Variants in RPTOR observed in about 807,000 individuals in gnomAD.
RPTOR encodes regulatory associated protein of MTOR complex 1, also known as regulatory-associated protein of mTOR.
RPTOR carries 21 observed loss-of-function variants against 169.9 expected under a neutral mutation model. That is an observed-to-expected ratio of 0.12 (90% CI 0.09 to 0.18). The LOEUF is 0.18. RPTOR is among the 10% of genes least tolerant of loss of function. The pLI is 1.00. For missense variants in RPTOR, 1,133 were observed against 1,855.9 expected (o/e 0.61, Z 7.16); for synonymous variants, 732 against 753.2 (o/e 0.97, Z 0.46).
chr17:80,652,845 G>A (rs1206459728), intron 3 of RPTOR, among the ~76,000 whole-genome samples: 1 of 152,188 alleles, frequency 6.6e-6, no homozygotes, highest in Non-Finnish European at 1.5e-5. Flanking sequence ...ATTTGTCCAT[G>A]TCTACTAGCA....
At chr17:80,917,667 C>T (rs190675645) in intron 21 of RPTOR, among the ~76,000 whole-genome samples, 6 of 152,360 alleles carry the variant, frequency 3.9e-5, no homozygotes, top group Admixed American at 3.3e-4. Flanking sequence ...CTCAGCCGAT[C>T]TGCATATAGA....
intron 7 of RPTOR, among the ~76,000 whole-genome samples, chr17:80,798,679 C>T (rs941791572): frequency 4.6e-5 from 7 of 152,156 alleles, no homozygotes; most frequent in Non-Finnish European, 8.8e-5. Context: ...AGTGGCCTTC[C>T]TGGCCACAGG....
At chr17:80,907,720 C>T (rs1414276969) in intron 20 of RPTOR, among the ~76,000 whole-genome samples, 1 of 152,242 alleles carries the variant, frequency 6.6e-6, no homozygotes, top group Non-Finnish European at 1.5e-5. Context: ...CAGGTATCCC[C>T]CAAGGCTCCG....
At chr17:80,842,412 G>A (rs959519388) in intron 10 of RPTOR, among the ~76,000 whole-genome samples, 7 of 152,006 alleles carry the variant, frequency 4.6e-5, no homozygotes, top group Non-Finnish European at 8.8e-5. Context: ...CTGGCCTCCC[G>A]TTCAGGGGCT....
rs760258625 is a variant in RPTOR, at chr17:80,754,033, C to T, written c.678C>T (p.His226=). The T allele has an allele frequency of 3.5e-5, 57 of 1,613,832 alleles. No individual in the cohort carries two copies. Among genetic ancestry groups the T allele is most frequent in the Non-Finnish European group, 5.1e-6 (6 of 1,179,844 alleles). ...AGGTAGCTGCAATCAACCCAAATCA[C>T]CCTCTTGCTCAGATGCCTTTGCCTC... The part of the protein sequence containing the change: ...ELEVAAINPN[H]PLAQMPLPPS... The change falls in exon 6 of 34, where the codon CAC becomes CAT. Residue 226 remains histidine, a synonymous_variant. Transcript: ENST00000306801. This position sits in a 1 kb window ranked among gnomAD's most constrained non-coding sequence, Gnocchi z 4.2.
chr17:80,550,442 C>T (rs748565792), intron 1 of RPTOR, among the ~76,000 whole-genome samples: 18 of 152,214 alleles, frequency 1.2e-4, no homozygotes, highest in Admixed American at 7.9e-4. Context: ...ACCCCATTCT[C>T]TGTTCTGGGT....
intron 21 of RPTOR, among the ~76,000 whole-genome samples, chr17:80,913,895 A>AC (rs2068641112): frequency 1.3e-5 from 2 of 152,194 alleles, no homozygotes; most frequent in East Asian, 3.8e-4. Context: ...CCTTCAAGCC[A>AC]CAGGTGGTCA....
At chr17:80,774,453 T>C in intron 6 of RPTOR, 1 of 694,804 alleles carries the variant, frequency 1.4e-6, no homozygotes, top group Non-Finnish European at 1.8e-6. Flanking sequence ...AAAACATCAC[T>C]GTGTTACTGA....
intron 12 of RPTOR, among the ~76,000 whole-genome samples, chr17:80,856,818 A>G (rs1309160276): frequency 1.3e-5 from 2 of 152,236 alleles, no homozygotes; most frequent in Non-Finnish European, 2.9e-5. Flanking sequence ...CCTTTAAAGA[A>G]TTAAGCTTCT....
chr17:80,963,079 G>A (rs761645672), intron 33 of RPTOR, 22 bp downstream of exon 33: 3 of 1,381,346 alleles, frequency 2.2e-6, no homozygotes, highest in East Asian at 2.5e-5. Context: ...GGTGGGTGGG[G>A]GTCGGGGGTC....
Position 80,633,018 on chromosome 17 carries a change from G to A in RPTOR, c.265+7225G>A, listed in dbSNP as rs1438400526. Among the ~76,000 whole-genome samples, 1 of 151,692 alleles carries A rather than the reference G, an allele frequency of 6.6e-6. No homozygotes were observed. Among genetic ancestry groups the A allele is most frequent in the Non-Finnish European group, 1.5e-5 (1 of 67,968 alleles). Reference sequence around the variant, plus strand: ...TCACTTTGTTGCTCAGGCTGGTCTCGAACTCCTGGGCTCAAGTGATCCTCC... The same window carrying A: ...TCACTTTGTTGCTCAGGCTGGTCTCAAACTCCTGGGCTCAAGTGATCCTCC... On this transcript the variant is annotated intron_variant, in intron 2 of 33. Coordinates refer to ENST00000306801, the MANE Select transcript of RPTOR (RefSeq NM_020761.3). This position sits in a 1 kb window ranked among gnomAD's most constrained non-coding sequence, Gnocchi z 4.1.
At chr17:80,889,963 AGGCCCCC>A (rs2143861600) in intron 17 of RPTOR, among the ~76,000 whole-genome samples, 2 of 86,100 alleles carry the variant, frequency 2.3e-5, no homozygotes, top group African/African-American at 7.2e-5. Flanking sequence ...CCTCCGAGGG[AGGCCCCC>A]GTACACAGCA....
chr17:80,767,105 G>C lies in RPTOR; in HGVS notation c.830+12920G>C, dbSNP rs144748188. On this transcript the variant is annotated intron_variant, in intron 6 of 33. Coordinates refer to ENST00000306801, the MANE Select transcript of RPTOR (RefSeq NM_020761.3). ...AAAGAATAAGGGGCCAGGTGCGGGGGCTCATGCCTATAATCCCAGCACTTT... is the reference window on the plus strand; with the variant it reads ...AAAGAATAAGGGGCCAGGTGCGGGGCCTCATGCCTATAATCCCAGCACTTT... 4.8e-3 allele frequency among the ~76,000 whole-genome samples: 735 copies of C among 152,342 alleles called. 1 individual carries two copies. Among genetic ancestry groups the C allele is most frequent in the Admixed American group, 7.2e-3 (110 of 15,308 alleles).
At chr17:80,665,416 TC>T (rs2065761796) in intron 3 of RPTOR, among the ~76,000 whole-genome samples, 2 of 11,478 alleles carry the variant, frequency 1.7e-4, no homozygotes, top group African/African-American at 2.2e-3. Flanking sequence ...TCCTTTCCTT[TC>T]CTTTCCTTTC....
chr17:80,940,699 C>G (rs537534394), intron 25 of RPTOR, 98 bp downstream of exon 25: 3 of 945,888 alleles, frequency 3.2e-6, no homozygotes, highest in Non-Finnish European at 4.8e-6. Flanking sequence ...CACGCACAAC[C>G]TTCTCCAGCC....
rs1003136484 is a variant in RPTOR at position 80,860,088 on chromosome 17, G to A, written c.1509+2188G>A. ...TCCTTTTCTGTGTGGCAGGTGAGGGGAGAGTGGACGGAGCTTAAGCCCCCG... is the reference window on the plus strand; with the variant it reads ...TCCTTTTCTGTGTGGCAGGTGAGGGAAGAGTGGACGGAGCTTAAGCCCCCG... On this transcript the variant is annotated intron_variant, in intron 13 of 33. Coordinates refer to ENST00000306801, the MANE Select transcript of RPTOR (RefSeq NM_020761.3). The surrounding 1 kb of genome is among the most constrained non-coding windows in gnomAD (Gnocchi z 5.8). 6.6e-6 allele frequency among the ~76,000 whole-genome samples: 1 copy of A among 152,214 alleles called. No homozygotes were observed. The highest frequency in any genetic ancestry group is 1.5e-5 in the Non-Finnish European group (1 of 68,022).
intron 11 of RPTOR, 107 bp from the exon 12 acceptor site, chr17:80,855,357 C>A (rs901514485): frequency 1.3e-6 from 1 of 789,508 alleles, no homozygotes. Flanking sequence ...GCAGACAGAT[C>A]TGAACTGTGG....
In RPTOR at chr17:80,601,305, T is replaced by C. The variant is rs181355027; in HGVS notation, c.163-24386T>C. On this transcript the variant is annotated intron_variant, in intron 1 of 33. Transcript: ENST00000306801. ...CAGGGTGTCCCCTCCCTTCCCTTCC[T>C]GAATTCCTGCCCCTGCAGGAAGGAG... is the stretch of plus-strand genomic sequence containing the variant. 3.3e-5 allele frequency among the ~76,000 whole-genome samples: 5 copies of C among 152,414 alleles called. No individual in the cohort carries two copies. In the East Asian group the frequency reaches 7.7e-4, roughly 23 times the overall value.
Position 80,892,763 on chromosome 17 carries a change from G to A in RPTOR, c.2136G>A (p.Pro712=), listed in dbSNP as rs147722321. Residue 712 remains proline, a synonymous_variant, in exon 19 of 34, where the codon CCG becomes CCA. Coordinates refer to ENST00000306801, the MANE Select transcript of RPTOR (RefSeq NM_020761.3). The part of the protein sequence containing the change: ...GGSLTPVRDS[P]CTPRLRSVSS... ...GTTTGACCCCAGTGCGAGACAGCCC[G>A]TGCACCCCCAGACTTCGTTCTGTGA... is the stretch of plus-strand genomic sequence containing the variant. The A allele has an allele frequency of 7.4e-5, 120 of 1,614,130 alleles. 4 individuals carry two copies. The African/African-American group carries it at 1.1e-3, about 15-fold the overall frequency.
Sources: allele counts gnomAD v4.1 joint callset (sites outside exome capture counted in the v4.1 genomes callset), GRCh38; gene constraint gnomAD v4.1.1; non-coding constraint Gnocchi (gnomAD v3.1); transcripts MANE v1.5; gene names NCBI Gene and HGNC (gene_info 2026-07-23, HGNC 2026-07-21).